The following ADCY2 variants were observed in gnomAD, a reference collection of about 807,000 sequenced individuals.
The protein encoded by ADCY2 is adenylate cyclase 2, also known as adenylate cyclase type 2.
ADCY2 carries 31 observed loss-of-function variants against 125.2 expected under a neutral mutation model. The observed-to-expected ratio is 0.25, with a 90% CI of 0.19 to 0.33. The LOEUF (loss-of-function observed/expected upper bound fraction) is 0.33, where lower values mean the gene tolerates loss of function less well. Ranked by LOEUF, ADCY2 falls within the 10% of genes least tolerant of loss-of-function variation. The pLI, the probability that ADCY2 is intolerant of heterozygous loss-of-function variation, is 1.00. For missense variants in ADCY2, 904 were observed against 1,418.2 expected (o/e 0.64, Z 5.82); for synonymous variants, 512 against 548.4 (o/e 0.93, Z 0.93).
chr5:7,784,416 A>G lies in ADCY2; in HGVS notation c.2436A>G (p.Ile812Met). The G allele has an allele frequency of 6.2e-7, 1 of 1,613,956 alleles. No homozygotes were observed. The highest frequency in any genetic ancestry group is 8.5e-7 in the Non-Finnish European group (1 of 1,179,946). ...CCATGGGCTCTGTGTCTCTCTCTATATTCTTCATCACACTGCTTGTTCTGG... is the reference window on the plus strand; with the variant it reads ...CCATGGGCTCTGTGTCTCTCTCTATGTTCTTCATCACACTGCTTGTTCTGG... The part of the protein sequence containing the change: ...LKTMGSVSLS[I>M]FFITLLVLGR... Residue 812 changes from isoleucine to methionine, a missense_variant, in exon 19 of 25, where the codon ATA becomes ATG. By Grantham distance (10) the Ile-to-Met change is conservative (BLOSUM62 1). This residue lies in a region of ADCY2 where 181 missense variants were observed against 381.6 expected (regional missense o/e 0.47). Coordinates refer to ENST00000338316, the MANE Select transcript of ADCY2 (RefSeq NM_020546.3).
intron 1 of ADCY2, among the ~76,000 whole-genome samples, chr5:7,403,568 C>A (rs943128246): frequency 2.6e-5 from 4 of 152,114 alleles, no homozygotes; most frequent in Non-Finnish European, 1.5e-5. Context: ...TTCATGAATT[C>A]ATTTTGAACT....
At chr5:7,545,623 T>G (rs1735124351) in intron 3 of ADCY2, among the ~76,000 whole-genome samples, 1 of 152,204 alleles carries the variant, frequency 6.6e-6, no homozygotes, top group Admixed American at 6.5e-5. Context: ...TCTACAGTGT[T>G]TATTTTTAAA....
intron 3 of ADCY2, among the ~76,000 whole-genome samples, chr5:7,551,022 C>CTCCA (rs1735318209): frequency 6.7e-6 from 1 of 148,738 alleles, no homozygotes. Context: ...CCCTCCCTCC[C>CTCCA]TCCCTCCCTC....
At chr5:7,484,378 C>T (rs1256280110) in intron 2 of ADCY2, among the ~76,000 whole-genome samples, 2 of 152,138 alleles carry the variant, frequency 1.3e-5, no homozygotes, top group Non-Finnish European at 1.5e-5. Context: ...AAATGTGCAT[C>T]ATCTTCCCAG....
chr5:7,464,231 ACTCT>A (rs948957976), intron 2 of ADCY2, among the ~76,000 whole-genome samples: 15 of 151,106 alleles, frequency 9.9e-5, no homozygotes, highest in African/African-American at 3.2e-4. Flanking sequence ...GTCCTCCAGC[ACTCT>A]CTCTCTCGGA....
chr5:7,417,830 G>A (rs1424050033), intron 2 of ADCY2, among the ~76,000 whole-genome samples: 1 of 152,102 alleles, frequency 6.6e-6, no homozygotes, highest in Non-Finnish European at 1.5e-5. Flanking sequence ...TTCTGGGCAG[G>A]GACATGACTG....
chr5:7,787,292 C>T (rs774347524), intron 19 of ADCY2, among the ~76,000 whole-genome samples: 4 of 152,174 alleles, frequency 2.6e-5, no homozygotes, highest in African/African-American at 4.8e-5. Context: ...TAGACGCCTG[C>T]GCATGGCCTC....
chr5:7,651,556 C>T (rs1047365918), intron 4 of ADCY2, among the ~76,000 whole-genome samples: 3 of 152,282 alleles, frequency 2.0e-5, no homozygotes, highest in Admixed American at 1.3e-4. Context: ...TCTTTCCATG[C>T]TCTCCTGCCT....
chr5:7,761,501 G>A (rs955585382), intron 16 of ADCY2, among the ~76,000 whole-genome samples: 1 of 152,052 alleles, frequency 6.6e-6, no homozygotes, highest in Non-Finnish European at 1.5e-5. Context: ...CGTATCTTGG[G>A]TGTTATGAAT....
intron 1 of ADCY2, among the ~76,000 whole-genome samples, chr5:7,405,502 G>A (rs1286937862): frequency 1.3e-5 from 2 of 152,136 alleles, no homozygotes; most frequent in African/African-American, 4.8e-5. Context: ...TGTTGAGTGG[G>A]GTGCCAGGTC....
At chr5:7,601,773 G>T (rs927525647) in intron 3 of ADCY2, among the ~76,000 whole-genome samples, 6 of 152,098 alleles carry the variant, frequency 3.9e-5, no homozygotes, top group Non-Finnish European at 7.3e-5. Context: ...ATGCCTTCCT[G>T]CATTTCCCTC....
chr5:7,758,509 A>C (rs7706982), intron 16 of ADCY2, among the ~76,000 whole-genome samples: 74,465 of 152,084 alleles, frequency 0.49, 19,128 homozygotes, highest in East Asian at 0.67. Context: ...ATTATTTCAT[A>C]ATAATAACGT....
intron 14 of ADCY2, among the ~76,000 whole-genome samples, chr5:7,736,430 G>T (rs1159067832): frequency 6.6e-6 from 1 of 152,046 alleles, no homozygotes; most frequent in Non-Finnish European, 1.5e-5. Context: ...GCTTAAATGG[G>T]CATGTCATAT....
chr5:7,423,863 G>T (rs546778004), intron 2 of ADCY2, among the ~76,000 whole-genome samples: 1 of 152,088 alleles, frequency 6.6e-6, no homozygotes, highest in Non-Finnish European at 1.5e-5. Context: ...ATGGGCTCCG[G>T]TACTGAAAAT....
rs142725743 is a variant in ADCY2 at position 7,618,805 on chromosome 5, A to G, written c.571-7362A>G. ...TCCACTGAAATCACCAGAACCAGGC[A>G]AAGTGTATATTGGTTGGTGCAGATC... On this transcript the variant is annotated intron_variant, in intron 3 of 24. Coordinates refer to ENST00000338316, the MANE Select transcript of ADCY2 (RefSeq NM_020546.3). 4.4e-3 allele frequency among the ~76,000 whole-genome samples: 672 copies of G among 152,358 alleles called. 5 individuals carry two copies. The highest frequency in any genetic ancestry group is 0.014 in the African/African-American group (594 of 41,582).
chr5:7,638,516 C>T (rs552287697), intron 4 of ADCY2, among the ~76,000 whole-genome samples: 1 of 152,278 alleles, frequency 6.6e-6, no homozygotes, highest in East Asian at 1.9e-4. Flanking sequence ...AAAGAAAACA[C>T]ACTCCTGGCA....
In ADCY2 at chr5:7,704,852, T is replaced by C. The variant is rs1741213623; in HGVS notation, c.1110-1892T>C. On this transcript the variant is annotated intron_variant, in intron 7 of 24. Coordinates refer to ENST00000338316, the MANE Select transcript of ADCY2 (RefSeq NM_020546.3). ...GAGATCACGCCACTGCACTCCAACC[T>C]GGGTGACAGAGTGAGACTCCATCTC... 2.7e-5 allele frequency among the ~76,000 whole-genome samples: 4 copies of C among 147,084 alleles called. No individual in the cohort carries two copies. In the South Asian group the frequency reaches 8.6e-4, roughly 32 times the overall value.
intron 7 of ADCY2, among the ~76,000 whole-genome samples, chr5:7,703,574 G>T (rs1268572703): frequency 1.3e-5 from 2 of 152,010 alleles, no homozygotes; most frequent in Non-Finnish European, 2.9e-5. Flanking sequence ...GTTCTGTTCC[G>T]TTGGTCTATA....
intron 7 of ADCY2, among the ~76,000 whole-genome samples, chr5:7,700,404 A>C (rs1402457228): frequency 3.3e-5 from 5 of 152,180 alleles, no homozygotes; most frequent in African/African-American, 1.2e-4. Flanking sequence ...CTTATAAATA[A>C]TAAAGCCTTT....
Sources: allele counts gnomAD v4.1 joint callset (sites outside exome capture counted in the v4.1 genomes callset), GRCh38; gene constraint gnomAD v4.1.1; regional missense constraint gnomAD v4.1.1; transcripts MANE v1.5; gene names NCBI Gene and HGNC (gene_info 2026-07-23, HGNC 2026-07-21).